Variants in CERS4 observed in about 807,000 individuals in gnomAD.
CERS4 encodes the protein LAG1 homolog, ceramide synthase 4.
Under a neutral mutation model 51.8 loss-of-function variants are expected in CERS4, and 65 were observed. The ratio of observed to expected loss-of-function variants is 1.26; its 90% CI spans 1.03 to 1.54. CERS4 has a LOEUF of 1.54. Ranked by LOEUF, CERS4 falls within the 40% of genes most tolerant of loss-of-function variation. The probability of loss-of-function intolerance (pLI) is 0.00; values close to 1 mark genes in which losing one functional copy is unlikely to be tolerated. For missense variants in CERS4, 563 were observed against 500.4 expected (o/e 1.13, Z -1.19); for synonymous variants, 228 against 208.4 (o/e 1.09, Z -0.81).
At chr19:8,217,009 C>T (rs899780509) in intron 2 of CERS4, among the ~76,000 whole-genome samples, 6 of 152,068 alleles carry the variant, frequency 3.9e-5, no homozygotes, top group Non-Finnish European at 8.8e-5. Flanking sequence ...GTCAGCTTCC[C>T]GGGGACCTTG....
chr19:8,249,770 T>C (rs1205650696), intron 2 of CERS4, among the ~76,000 whole-genome samples: 1 of 151,452 alleles, frequency 6.6e-6, no homozygotes, highest in Non-Finnish European at 1.5e-5. Context: ...TTTGTATTTT[T>C]AGTAGAGACA....
intron 2 of CERS4, among the ~76,000 whole-genome samples, chr19:8,236,628 G>A (rs553855845): frequency 7.9e-4 from 115 of 146,254 alleles, no homozygotes; most frequent in Non-Finnish European, 1.5e-3. Context: ...GCAATGAGCC[G>A]TGATCTCGCC....
intron 3 of CERS4, 135 bp downstream of exon 3, chr19:8,251,384 A>G (rs1599577715): frequency 7.1e-7 from 1 of 1,402,120 alleles, no homozygotes; most frequent in South Asian, 1.6e-5. Context: ...CCCTGGCTCC[A>G]GCCTGCCCCC....
chr19:8,240,011 A>G (rs932783477), intron 2 of CERS4, among the ~76,000 whole-genome samples: 2 of 152,184 alleles, frequency 1.3e-5, no homozygotes, highest in African/African-American at 4.8e-5. Flanking sequence ...ACTACACAGG[A>G]TCAGGAGACA....
At chr19:8,238,011 CTG>C (rs1394376302) in intron 2 of CERS4, among the ~76,000 whole-genome samples, 6 of 152,144 alleles carry the variant, frequency 3.9e-5, no homozygotes, top group African/African-American at 1.4e-4. Context: ...AATCCTGTCT[CTG>C]TGCGAGTAAC....
chr19:8,261,717 T>G lies in CERS4; in HGVS notation c.878T>G (p.Ile293Ser), dbSNP rs1413791467. The G allele has an allele frequency of 4.3e-6, 7 of 1,614,098 alleles. No homozygotes were observed. Among genetic ancestry groups the G allele is most frequent in the Non-Finnish European group, 5.9e-6 (7 of 1,180,014 alleles). Reference sequence around the variant, plus strand: ...CTCTACACCACATACTACGAGTCCATCAGCAACAGGGGCCCCTTCTTCGGC... The same window carrying G: ...CTCTACACCACATACTACGAGTCCAGCAGCAACAGGGGCCCCTTCTTCGGC... ...QILYTTYYES[I>S]SNRGPFFGYY... The change falls in exon 11 of 12, where the codon ATC (isoleucine) becomes AGC (serine). Residue 293 changes from isoleucine (I) to serine (S), a missense_variant. Transcript: ENST00000251363.
intron 2 of CERS4, among the ~76,000 whole-genome samples, chr19:8,243,700 T>C (rs964560732): frequency 7.9e-5 from 12 of 151,436 alleles, no homozygotes; most frequent in Admixed American, 6.6e-5. Context: ...TGCTGATAGA[T>C]AGAGGATTCC....
intron 9 of CERS4, 140 bp from the exon 10 acceptor site, chr19:8,257,739 A>C: frequency 1.5e-6 from 1 of 652,672 alleles, no homozygotes. Flanking sequence ...CTATATTCAC[A>C]CTCTTTACCT....
At chr19:8,237,933 GTTTTTA>G (rs1201669296) in intron 2 of CERS4, among the ~76,000 whole-genome samples, 10 of 152,144 alleles carry the variant, frequency 6.6e-5, no homozygotes, top group Admixed American at 3.9e-4. Context: ...CCGTAATGCT[GTTTTTA>G]TTTTTATTTT....
chr19:8,254,322 C>CCAAAAAAAAA (rs1555779245), intron 3 of CERS4, among the ~76,000 whole-genome samples, 177 bp from the exon 4 acceptor site: 8 of 38,782 alleles, frequency 2.1e-4, no homozygotes, highest in African/African-American at 6.3e-4. Context: ...TACTCTGTCT[C>CCAAAAAAAAA]AAAAAAAAAA....
intron 6 of CERS4, 126 bp from the exon 7 acceptor site, chr19:8,256,110 G>A (rs1969366431): frequency 3.6e-6 from 4 of 1,122,380 alleles, no homozygotes; most frequent in Admixed American, 2.3e-5. Flanking sequence ...GTGAGAAGCA[G>A]GAAAAAGCAG....
intron 2 of CERS4, among the ~76,000 whole-genome samples, chr19:8,243,194 TAAAAAAAAAA>T (rs56754017): frequency 6.2e-4 from 37 of 59,896 alleles, no homozygotes; most frequent in African/African-American, 2.4e-3. Context: ...ACCCTGTCTC[TAAAAAAAAAA>T]AAAAAAAAAA....
At chr19:8,244,871 G>A (rs1340011568) in intron 2 of CERS4, among the ~76,000 whole-genome samples, 5 of 151,886 alleles carry the variant, frequency 3.3e-5, no homozygotes, top group East Asian at 3.9e-4. Context: ...TTGGCCAGGC[G>A]CGGTGGCTCT....
chr19:8,255,526 C>A, intron 4 of CERS4, 81 bp from the exon 5 acceptor site: 1 of 1,249,934 alleles, frequency 8.0e-7, no homozygotes, highest in Non-Finnish European at 1.1e-6. Context: ...GTGGAGAGGG[C>A]AGAGCCAAGT....
chr19:8,249,783 G>C (rs189430800), intron 2 of CERS4, among the ~76,000 whole-genome samples: 128 of 151,746 alleles, frequency 8.4e-4, no homozygotes, highest in African/African-American at 2.9e-3. Flanking sequence ...TAGAGACAGG[G>C]TTTCACCATG....
At chr19:8,222,504 A>G (rs1967608651) in intron 2 of CERS4, among the ~76,000 whole-genome samples, 1 of 148,132 alleles carries the variant, frequency 6.8e-6, no homozygotes, top group South Asian at 2.1e-4. Context: ...TTATTTATTT[A>G]TTTTTGTTTT....
intron 2 of CERS4, among the ~76,000 whole-genome samples, chr19:8,231,710 G>A (rs934038812): frequency 6.6e-5 from 10 of 151,552 alleles, no homozygotes; most frequent in Admixed American, 1.3e-4. Context: ...CACCATGCCC[G>A]GCTAATTTTC....
At chr19:8,254,810 C>G (rs1463420237) in intron 4 of CERS4, among the ~76,000 whole-genome samples, 194 bp downstream of exon 4, 1 of 151,910 alleles carries the variant, frequency 6.6e-6, no homozygotes, top group African/African-American at 2.4e-5. Flanking sequence ...GGAAACGACG[C>G]CCCACCCCTC....
intron 2 of CERS4, among the ~76,000 whole-genome samples, chr19:8,221,318 C>T (rs1380525901): frequency 6.6e-6 from 1 of 152,038 alleles, no homozygotes; most frequent in Non-Finnish European, 1.5e-5. Context: ...GTAACCTCCC[C>T]TTGAATCTGG....
Sources: allele counts gnomAD v4.1 joint callset (sites outside exome capture counted in the v4.1 genomes callset), GRCh38; gene constraint gnomAD v4.1.1; transcripts MANE v1.5; gene names NCBI Gene and HGNC (gene_info 2026-07-23, HGNC 2026-07-21).